Variants in KMT2E observed in about 807,000 individuals in gnomAD.
KMT2E encodes the protein lysine methyltransferase 2E (inactive).
A neutral mutation model predicts 184.6 loss-of-function variants in KMT2E; 30 were observed. That is an observed-to-expected ratio of 0.16 (90% confidence interval 0.12 to 0.22). KMT2E has a LOEUF of 0.22. KMT2E is among the 10% of genes least tolerant of loss of function. KMT2E has a pLI of 1.00. For synonymous variants in KMT2E, 815 were observed against 776.5 expected, an observed-to-expected ratio of 1.05 and a Z score of -0.82; for missense variants, 2,023 against 2,237.4, an observed-to-expected ratio of 0.90 and a Z score of 1.93.
intron 13 of KMT2E, among the ~76,000 whole-genome samples, chr7:105,088,191 C>G (rs1798063240): frequency 6.6e-6 from 1 of 152,110 alleles, no homozygotes; most frequent in East Asian, 1.9e-4. Flanking sequence ...AACCTTGGAC[C>G]AATTTCTTCA....
chr7:105,056,648 A>C (rs963934832), intron 3 of KMT2E, among the ~76,000 whole-genome samples: 1 of 152,242 alleles, frequency 6.6e-6, no homozygotes, highest in East Asian at 1.9e-4. Flanking sequence ...GGGCTTGTAC[A>C]TAGAACCACT....
At chr7:105,081,906 C>A in intron 13 of KMT2E, 109 bp downstream of exon 13, 1 of 548,046 alleles carries the variant, frequency 1.8e-6, no homozygotes, top group South Asian at 3.0e-5. Context: ...TTTTATCTAT[C>A]ATGAATCAGT....
intron 6 of KMT2E, among the ~76,000 whole-genome samples, chr7:105,072,470 T>C (rs560082555): frequency 1.1e-4 from 16 of 152,352 alleles, no homozygotes; most frequent in South Asian, 2.1e-4. Flanking sequence ...GGCAAGTCTG[T>C]AGAAATTCTA....
At chr7:105,084,492 T>G (rs1797883263) in intron 13 of KMT2E, among the ~76,000 whole-genome samples, 1 of 152,026 alleles carries the variant, frequency 6.6e-6, no homozygotes, top group Non-Finnish European at 1.5e-5. Flanking sequence ...CCGGGCGTGG[T>G]GGCGGGCCCC....
At position 105,113,144 on chromosome 7, in the gene KMT2E, G is replaced by A. The variant is rs1799402391; in HGVS notation, c.5388G>A (p.Gln1796=). 6.2e-7 allele frequency: 1 copy of A among 1,614,154 alleles called. No homozygotes were observed. The highest frequency in any genetic ancestry group is 8.5e-7 in the Non-Finnish European group (1 of 1,180,036). The change falls in exon 27 of 27, where the codon CAG becomes CAA. Residue 1796 remains glutamine (Q), a synonymous_variant. Coordinates refer to ENST00000311117, the MANE Select transcript of KMT2E (RefSeq NM_182931.3). ...CPLPVTGPHL[Q]PQGPNSIPTP... The stretch of plus-strand genomic sequence containing the variant: ...TACCTGTCACAGGTCCTCATCTCCA[G>A]CCCCAAGGACCAAACAGTATTCCAA...
At chr7:105,074,930 A>C in intron 8 of KMT2E, 115 bp downstream of exon 8, 1 of 710,564 alleles carries the variant, frequency 1.4e-6, no homozygotes, top group South Asian at 3.6e-5. Context: ...GATCTAGCAG[A>C]AGTTTTTTAT....
At chr7:105,037,536 T>C (rs1182152522) in intron 1 of KMT2E, among the ~76,000 whole-genome samples, 1 of 152,024 alleles carries the variant, frequency 6.6e-6, no homozygotes, top group Non-Finnish European at 1.5e-5. Context: ...CTAGTTTTTG[T>C]ATTTTTTGTA....
intron 1 of KMT2E, among the ~76,000 whole-genome samples, chr7:105,021,006 T>C (rs1035960763): frequency 6.6e-6 from 1 of 152,230 alleles, no homozygotes; most frequent in Non-Finnish European, 1.5e-5. Context: ...TTTTTGAGTT[T>C]ACAGAGAGAT....
intron 1 of KMT2E, among the ~76,000 whole-genome samples, chr7:105,017,005 G>C (rs1794742644): frequency 6.6e-6 from 1 of 152,172 alleles, no homozygotes; most frequent in African/African-American, 2.4e-5. Flanking sequence ...GGCGAAATTT[G>C]TGTAGGGTTT....
At chr7:105,105,181 C>T (rs1798846183) in intron 17 of KMT2E, 1 of 296,052 alleles carries the variant, frequency 3.4e-6, no homozygotes, top group African/African-American at 2.2e-5. Context: ...AAAAGTAATA[C>T]AAATTTCATG....
chr7:105,095,468 T>G (rs1176921421), intron 15 of KMT2E, among the ~76,000 whole-genome samples: 1 of 152,112 alleles, frequency 6.6e-6, no homozygotes, highest in Non-Finnish European at 1.5e-5. Context: ...GAGATAAAGT[T>G]GGCTATAGGT....
intron 1 of KMT2E, among the ~76,000 whole-genome samples, chr7:105,018,170 A>G (rs1362449139): frequency 1.3e-5 from 2 of 152,182 alleles, no homozygotes; most frequent in Non-Finnish European, 2.9e-5. Flanking sequence ...TTTAATTTTT[A>G]AAGGTGTGTT....
intron 6 of KMT2E, among the ~76,000 whole-genome samples, chr7:105,068,624 G>GT (rs77819480): frequency 0.043 from 4,746 of 111,424 alleles, 442 homozygotes; most frequent in African/African-American, 0.08. Context: ...ACTAGTTGTG[G>GT]TTTTTTTTTT....
At chr7:105,047,023 T>G (rs1189743058) in intron 3 of KMT2E, among the ~76,000 whole-genome samples, 1 of 152,222 alleles carries the variant, frequency 6.6e-6, no homozygotes. Flanking sequence ...AAAAGGTACA[T>G]GGGGTGAAAC....
chr7:105,040,224 G>A (rs1024475562), intron 2 of KMT2E, among the ~76,000 whole-genome samples: 2 of 152,070 alleles, frequency 1.3e-5, no homozygotes, highest in African/African-American at 2.4e-5. Context: ...TCAGATCCTG[G>A]TTTCATCTCT....
chr7:105,047,120 G>A (rs1796139874), intron 3 of KMT2E, among the ~76,000 whole-genome samples: 1 of 152,228 alleles, frequency 6.6e-6, no homozygotes, highest in East Asian at 1.9e-4. Context: ...AATGAATTGT[G>A]ACAACACATG....
rs187901825 is a variant in KMT2E, at chr7:105,081,909, G to C, written c.1358+112G>C. The C allele has an allele frequency of 1.8e-5, 10 of 543,164 alleles. No individual in the cohort carries two copies. In the East Asian group the frequency reaches 3.0e-4, roughly 17 times the overall value. 33.6% of individuals were successfully genotyped at this position (543,164 alleles called of 1,614,324 possible). A position where few individuals can be genotyped will look rare whatever the true frequency, so the allele number is the denominator to read the frequency against. On this transcript the variant is annotated intron_variant, in intron 13 of 26. Coordinates refer to ENST00000311117, the MANE Select transcript of KMT2E (RefSeq NM_182931.3). Reference sequence around the variant, plus strand: ...ATAGCTTTTTATTTTTATCTATCATGAATCAGTTAAAAGTACTTGAAAACC... The same window carrying C: ...ATAGCTTTTTATTTTTATCTATCATCAATCAGTTAAAAGTACTTGAAAACC...
chr7:105,062,767 TCTAA>T (rs1312766182), intron 4 of KMT2E, among the ~76,000 whole-genome samples: 2 of 151,884 alleles, frequency 1.3e-5, no homozygotes, highest in African/African-American at 4.8e-5. Flanking sequence ...TAAAAGCCTA[TCTAA>T]CTTATTAAAT....
chr7:105,112,754 G>A lies in KMT2E; in HGVS notation c.4998G>A (p.Ser1666=), dbSNP rs147477523. The A allele has an allele frequency of 2.0e-5, 33 of 1,612,972 alleles. No homozygotes were observed. The highest frequency in any genetic ancestry group is 1.3e-4 in the Admixed American group (8 of 59,908). Residue 1666 remains serine (S), a synonymous_variant, in exon 27 of 27, where the codon TCG becomes TCA. Transcript: ENST00000311117. ...CTGTTCATGCGGTCACCCCTGGGTC[G>A]CATATTCATTCTCAAACTGCTGGAC... ...VGPVHAVTPG[S]HIHSQTAGHH...
Sources: allele counts gnomAD v4.1 joint callset (sites outside exome capture counted in the v4.1 genomes callset), GRCh38; gene constraint gnomAD v4.1.1; transcripts MANE v1.5; gene names NCBI Gene and HGNC (gene_info 2026-07-23, HGNC 2026-07-21).